Variants in SCUBE2 observed in about 807,000 individuals in gnomAD.
SCUBE2 encodes signal peptide, CUB domain and EGF like domain containing 2.
SCUBE2 carries 114 observed loss-of-function variants against 125.9 expected under a neutral mutation model. The observed-to-expected ratio is 0.91, with a 90% CI of 0.78 to 1.06. The LOEUF is 1.06. Among genes scored for constraint, SCUBE2 ranks in the 50% least tolerant of loss-of-function variants. The probability of loss-of-function intolerance (pLI) is 0.00; values close to 1 mark genes in which losing one functional copy is unlikely to be tolerated. For synonymous variants in SCUBE2, 459 were observed against 492.9 expected (o/e 0.93, Z 0.91); for missense variants, 1,255 against 1,301.8 (o/e 0.96, Z 0.55).
intron 14 of SCUBE2, 126 bp from the exon 15 acceptor site, chr11:9,048,224 C>G: frequency 1.1e-6 from 1 of 885,592 alleles, no homozygotes; most frequent in Non-Finnish European, 1.7e-6. Context: ...TCTCCAGATG[C>G]CAAGACACTG....
chr11:9,030,030 C>A lies in SCUBE2; in HGVS notation c.2357G>T (p.Gly786Val). 6.2e-7 allele frequency: 1 copy of A among 1,613,972 alleles called. No homozygotes were observed. Reference sequence around the variant, plus strand: ...GTGAGTGGTGGTGTTGTAGAAATGTCCAGGTGAACATTGAACTGTGGGTCA... The same window carrying A: ...GTGAGTGGTGGTGTTGTAGAAATGTACAGGTGAACATTGAACTGTGGGTCA... Reference protein sequence around the residue: ...DCETRVQCSPGHFYNTTTHRC... With the variant: ...DCETRVQCSPVHFYNTTTHRC... The change falls in exon 19 of 23, where the codon GGA becomes GTA. Residue 786 changes from glycine to valine, a missense_variant. By Grantham distance (109) the Gly-to-Val change is moderately radical (BLOSUM62 -3). Coordinates refer to ENST00000649792, the MANE Select transcript of SCUBE2 (RefSeq NM_001367977.2).
rs113808225 is a variant in SCUBE2 at position 9,090,984 on chromosome 11, C to T, written c.133+412G>A. ...CCCCGAAGCCATCAGCAGAACTTGC[C>T]GGCCCCCAAAGAAAGAAACGGCAAA... On this transcript the variant is annotated intron_variant, in intron 1 of 22. Coordinates refer to ENST00000649792, the MANE Select transcript of SCUBE2 (RefSeq NM_001367977.2). 6.2e-3 allele frequency among the ~76,000 whole-genome samples: 938 copies of T among 152,262 alleles called. 8 individuals carry two copies. The highest frequency in any genetic ancestry group is 0.022 in the African/African-American group (903 of 41,558).
At chr11:9,072,831 T>G (rs1488073783) in intron 4 of SCUBE2, among the ~76,000 whole-genome samples, 1 of 152,186 alleles carries the variant, frequency 6.6e-6, no homozygotes, top group Non-Finnish European at 1.5e-5. Flanking sequence ...TTGTAGAAAA[T>G]TTAGAAAACA....
chr11:9,037,334 CCTT>C (rs1856825708), intron 16 of SCUBE2, among the ~76,000 whole-genome samples: 1 of 152,296 alleles, frequency 6.6e-6, no homozygotes, highest in South Asian at 2.1e-4. Flanking sequence ...TGTTTTTTCT[CCTT>C]CTTTAAAAAA....
chr11:9,032,921 G>A (rs907943404), intron 17 of SCUBE2, among the ~76,000 whole-genome samples: 1 of 152,084 alleles, frequency 6.6e-6, no homozygotes. Context: ...TTATTTAGGT[G>A]GGAAATAAAG....
chr11:9,081,668 ACAAAC>A (rs1190891167), intron 2 of SCUBE2, among the ~76,000 whole-genome samples: 80 of 143,568 alleles, frequency 5.6e-4, no homozygotes, highest in East Asian at 1.2e-3. Context: ...AAACAAACAA[ACAAAC>A]AAAAAAAAAA....
At chr11:9,024,175 AT>A (rs1317460944) in intron 21 of SCUBE2, 2 of 1,061,576 alleles carry the variant, frequency 1.9e-6, no homozygotes, top group African/African-American at 1.7e-5. Context: ...TTTAAAAAAA[AT>A]CAAGACATTT....
At chr11:9,035,373 C>T (rs1712827265) in intron 16 of SCUBE2, among the ~76,000 whole-genome samples, 1 of 152,104 alleles carries the variant, frequency 6.6e-6, no homozygotes, top group African/African-American at 2.4e-5. Flanking sequence ...TGAAATACTC[C>T]TATGGTACTG....
chr11:9,049,327 T>G (rs1394948688), intron 14 of SCUBE2, among the ~76,000 whole-genome samples: 1 of 152,200 alleles, frequency 6.6e-6, no homozygotes, highest in Admixed American at 6.5e-5. Context: ...CACTGCAGCC[T>G]CAACCTCCTG....
At chr11:9,034,402 T>G (rs984640786) in intron 16 of SCUBE2, among the ~76,000 whole-genome samples, 1 of 152,164 alleles carries the variant, frequency 6.6e-6, no homozygotes. Flanking sequence ...TTGGATTTTA[T>G]TGTCACAGGT....
At chr11:9,033,290 T>C (rs913999066) in intron 17 of SCUBE2, among the ~76,000 whole-genome samples, 3 of 152,220 alleles carry the variant, frequency 2.0e-5, no homozygotes, top group Non-Finnish European at 4.4e-5. Flanking sequence ...CCTCTCTTCA[T>C]TTTAACACTT....
chr11:9,056,687 C>A (rs1385608831), intron 9 of SCUBE2, among the ~76,000 whole-genome samples: 1 of 152,174 alleles, frequency 6.6e-6, no homozygotes, highest in African/African-American at 2.4e-5. Flanking sequence ...GCATCTCTTT[C>A]CCTGGGTCTG....
chr11:9,069,566 G>C, intron 4 of SCUBE2, 71 bp from the exon 5 acceptor site: 1 of 1,592,618 alleles, frequency 6.3e-7, no homozygotes, highest in Non-Finnish European at 8.6e-7. Flanking sequence ...GAGCGGCAAA[G>C]GGCTAAGGGG....
At chr11:9,080,809 A>G (rs1383855338) in intron 2 of SCUBE2, among the ~76,000 whole-genome samples, 1 of 152,238 alleles carries the variant, frequency 6.6e-6, no homozygotes, top group Non-Finnish European at 1.5e-5. Context: ...ATCATTAAGA[A>G]AATGAAGACA....
At chr11:9,022,801 TTC>T (rs1387484361) in intron 21 of SCUBE2, 4 of 152,326 alleles carry the variant, frequency 2.6e-5, no homozygotes, top group Non-Finnish European at 5.9e-5. Flanking sequence ...TGGTCTTCTC[TTC>T]TCTGTCTATA....
At chr11:9,053,496 A>G (rs777521118) in intron 11 of SCUBE2, 141 bp downstream of exon 11, 47 of 989,070 alleles carry the variant, frequency 4.8e-5, no homozygotes, top group Non-Finnish European at 6.2e-5. Context: ...CTGTTTTTGA[A>G]CTATTTAAAG....
chr11:9,033,345 G>C (rs1423533093), intron 17 of SCUBE2, among the ~76,000 whole-genome samples: 4 of 152,148 alleles, frequency 2.6e-5, no homozygotes, highest in Non-Finnish European at 5.9e-5. Context: ...GGTTTCAGGT[G>C]TATATATTTC....
At position 9,019,496 on chromosome 11, in the gene SCUBE2, G is replaced by C. The variant is rs992384311; in HGVS notation, c.*1549C>G. Among the ~76,000 whole-genome samples the C allele has an allele frequency of 1.4e-5, 2 of 144,774 alleles. No individual in the cohort carries two copies. Among genetic ancestry groups the C allele is most frequent in the South Asian group, 4.6e-4 (2 of 4,326 alleles). The allele number at this position is 144,774 out of a possible 152,430, so 95.0% of individuals were successfully genotyped here. On this transcript the variant is annotated 3_prime_UTR_variant, in exon 23 of 23. Transcript: ENST00000649792. ...CAAGCTCCAGTATAACAAAGTCCAAGTGCTTGTTTTAATGCTATTTTTTTT... is the reference window on the plus strand; with the variant it reads ...CAAGCTCCAGTATAACAAAGTCCAACTGCTTGTTTTAATGCTATTTTTTTT...
chr11:9,083,205 A>G (rs973288621), intron 2 of SCUBE2, among the ~76,000 whole-genome samples: 6 of 152,058 alleles, frequency 3.9e-5, no homozygotes, highest in African/African-American at 1.4e-4. Context: ...GAAGTGAATA[A>G]AAGTGGAATA....
Sources: gnomAD v4.1 joint callset for allele counts (sites outside exome capture counted in the v4.1 genomes callset) on GRCh38, gnomAD v4.1.1 for gene constraint, MANE v1.5 for transcripts, NCBI Gene and HGNC (gene_info 2026-07-23, HGNC 2026-07-21) for gene names.